Variants in ARMC2 observed in about 807,000 individuals in gnomAD.
ARMC2 encodes armadillo repeat containing 2.
Under a neutral mutation model 90.3 loss-of-function variants are expected in ARMC2, and 67 were observed. The observed-to-expected ratio is 0.74, with a 90% CI of 0.61 to 0.91. ARMC2 has a LOEUF of 0.91. Among genes scored for constraint, ARMC2 ranks in the 40% least tolerant of loss-of-function variants. The probability of loss-of-function intolerance (pLI) is 0.00; values close to 1 mark genes in which losing one functional copy is unlikely to be tolerated. For synonymous variants in ARMC2, 393 were observed against 393.0 expected (o/e 1.00, Z 0.00); for missense variants, 920 against 1,030.9 (o/e 0.89, Z 1.47).
intron 12 of ARMC2, among the ~76,000 whole-genome samples, chr6:108,941,551 A>G (rs1470676672): frequency 1.3e-5 from 2 of 152,200 alleles, no homozygotes; most frequent in African/African-American, 4.8e-5. Context: ...GCTGTTTACT[A>G]TTTGGTTAGA....
intron 2 of ARMC2, 26 bp downstream of exon 2, chr6:108,854,511 C>A: frequency 1.3e-6 from 2 of 1,595,236 alleles, no homozygotes; most frequent in South Asian, 2.2e-5. Context: ...CATTCATGTT[C>A]ATTCAGATAT....
Position 108,868,885 on chromosome 6 carries a change from C to G in ARMC2, c.353C>G (p.Pro118Arg). The stretch of plus-strand genomic sequence containing the variant: ...GATTCCTGCTTTTCCTTTCCTAAGC[C>G]CCCAGTGGACCCTGCGAAGATTAGA... ...EEDSCFSFPK[P>R]PVDPAKIRRV... is the part of the protein sequence containing the mutation. The change falls in exon 4 of 18, where the codon CCC becomes CGC. Residue 118 changes from proline (P) to arginine (R), a missense_variant. Transcript: ENST00000392644. The G allele has an allele frequency of 6.2e-7, 1 of 1,613,944 alleles. No individual in the cohort carries two copies. Among genetic ancestry groups the G allele is most frequent in the Non-Finnish European group, 8.5e-7 (1 of 1,179,888 alleles).
chr6:108,911,164 C>G (rs1773386106), intron 9 of ARMC2, among the ~76,000 whole-genome samples, 163 bp downstream of exon 9: 1 of 152,160 alleles, frequency 6.6e-6, no homozygotes, highest in African/African-American at 2.4e-5. Flanking sequence ...CTCTGTTTTC[C>G]ACATTCAGTT....
intron 2 of ARMC2, among the ~76,000 whole-genome samples, chr6:108,855,262 T>C (rs1774438865): frequency 6.6e-6 from 1 of 151,322 alleles, no homozygotes; most frequent in Admixed American, 6.6e-5. Flanking sequence ...TTTTTTTTTT[T>C]TTTTGAGATG....
the ARMC2 span, among the ~76,000 whole-genome samples, chr6:109,042,086 C>T: frequency 1.3e-5 from 2 of 151,978 alleles, no homozygotes; most frequent in African/African-American, 4.8e-5. Context: ...GCAAACTAAA[C>T]ACCACACTCA....
the ARMC2 span, among the ~76,000 whole-genome samples, chr6:109,045,036 G>A: frequency 1.3e-5 from 2 of 150,986 alleles, no homozygotes; most frequent in Non-Finnish European, 3.0e-5. Flanking sequence ...AAAAAAAAAA[G>A]CTGAACTCAT....
chr6:108,976,041 A>G (rs900680956), downstream of ARMC2, among the ~76,000 whole-genome samples: 89 of 152,080 alleles, frequency 5.9e-4, no homozygotes, highest in African/African-American at 2.0e-3. Context: ...TTTTGTTGCC[A>G]TTGCTTTTGA....
At chr6:108,961,401 C>T (rs1302231495) in intron 13 of ARMC2, among the ~76,000 whole-genome samples, 171 bp from the exon 14 acceptor site, 6 of 152,166 alleles carry the variant, frequency 3.9e-5, no homozygotes, top group East Asian at 3.9e-4. Context: ...GGGGCATTTC[C>T]GTGCAGGAGG....
the ARMC2 span, among the ~76,000 whole-genome samples, chr6:109,028,651 C>G: frequency 6.6e-6 from 1 of 152,140 alleles, no homozygotes; most frequent in African/African-American, 2.4e-5. Context: ...AAAAGCATCT[C>G]TTAAAAATAG....
chr6:108,899,428 A>G (rs1771908894), intron 6 of ARMC2, among the ~76,000 whole-genome samples: 2 of 152,234 alleles, frequency 1.3e-5, no homozygotes, highest in South Asian at 4.1e-4. Flanking sequence ...GACAGTCATC[A>G]GTATTTACAA....
At chr6:108,939,337 G>A (rs917183791) in intron 12 of ARMC2, among the ~76,000 whole-genome samples, 1 of 152,172 alleles carries the variant, frequency 6.6e-6, no homozygotes, top group Admixed American at 6.5e-5. Flanking sequence ...CTGGATTGGA[G>A]GTGGGGCCTG....
intron 3 of ARMC2, among the ~76,000 whole-genome samples, chr6:108,858,628 A>C (rs1774904352): frequency 6.6e-6 from 1 of 150,496 alleles, no homozygotes; most frequent in South Asian, 2.1e-4. Flanking sequence ...AAAGTTATAT[A>C]TCTTATACAT....
At chr6:108,941,227 T>C (rs1788118208) in intron 12 of ARMC2, among the ~76,000 whole-genome samples, 1 of 152,216 alleles carries the variant, frequency 6.6e-6, no homozygotes, top group Non-Finnish European at 1.5e-5. Flanking sequence ...CAATTCCATA[T>C]TTCAAGTTGT....
At chr6:108,890,217 A>AAAAAC (rs1562356973) in intron 5 of ARMC2, among the ~76,000 whole-genome samples, 1 of 112,944 alleles carries the variant, frequency 8.9e-6, no homozygotes, top group Non-Finnish European at 1.9e-5. Context: ...AAAAAAAAAA[A>AAAAAC]AAAAAAAAAA....
intron 7 of ARMC2, among the ~76,000 whole-genome samples, chr6:108,901,088 G>A (rs1169284716): frequency 2.1e-5 from 3 of 139,566 alleles, no homozygotes; most frequent in Non-Finnish European, 3.1e-5. Flanking sequence ...CTTCCTACAG[G>A]AAAGAAGGAA....
intron 3 of ARMC2, among the ~76,000 whole-genome samples, chr6:108,861,627 G>A (rs1241093790): frequency 6.6e-6 from 1 of 152,170 alleles, no homozygotes; most frequent in South Asian, 2.1e-4. Context: ...TAGCAAGCAC[G>A]AACCAATATT....
chr6:108,884,982 A>G (rs911901639), intron 5 of ARMC2, among the ~76,000 whole-genome samples: 1 of 152,184 alleles, frequency 6.6e-6, no homozygotes. Flanking sequence ...TGCTCCCTGT[A>G]CTGAACGAAA....
intron 5 of ARMC2, among the ~76,000 whole-genome samples, chr6:108,886,395 T>C (rs1237951397): frequency 1.3e-5 from 2 of 152,130 alleles, no homozygotes; most frequent in East Asian, 3.9e-4. Context: ...CCATCTCTAC[T>C]AAAAATCCAA....
At chr6:108,933,026 G>T (rs1429658288) in intron 11 of ARMC2, among the ~76,000 whole-genome samples, 1 of 151,894 alleles carries the variant, frequency 6.6e-6, no homozygotes, top group East Asian at 1.9e-4. Flanking sequence ...TTTTGCATAA[G>T]ATTCCTTGGC....
Sources: gnomAD v4.1 joint callset for allele counts (sites outside exome capture counted in the v4.1 genomes callset) on GRCh38, gnomAD v4.1.1 for gene constraint, MANE v1.5 for transcripts, NCBI Gene and HGNC (gene_info 2026-07-23, HGNC 2026-07-21) for gene names.